Variants in SIAE observed in about 807,000 individuals in gnomAD.
SIAE encodes sialate O-acetylesterase.
A neutral mutation model predicts 52.6 loss-of-function variants in SIAE; 39 were observed. The ratio of observed to expected loss-of-function variants is 0.74; its 90% CI spans 0.57 to 0.97. The LOEUF (loss-of-function observed/expected upper bound fraction) is 0.97, where lower values mean the gene tolerates loss of function less well. Among genes scored for constraint, SIAE ranks in the 50% least tolerant of loss-of-function variants. SIAE has a pLI of 0.00. For missense variants in SIAE, 592 were observed against 662.1 expected (o/e 0.89, Z 1.16); for synonymous variants, 233 against 241.4 (o/e 0.97, Z 0.32).
chr11:124,669,493 G>A lies in SIAE; in HGVS notation c.96C>T (p.Ile32=), dbSNP rs755755030. 5.4e-5 allele frequency: 87 copies of A among 1,613,936 alleles called. No individual in the cohort carries two copies. The highest frequency in any genetic ancestry group is 7.2e-5 in the Non-Finnish European group (85 of 1,180,022). The stretch of plus-strand genomic sequence containing the variant: ...CCTTCTGCAGCACCATATCATTATT[G>A]ATGTATGAAGCAAAGCGAAAACCAA... The part of the protein sequence containing the change: ...AGIGFRFASY[I]NNDMVLQKEP... Residue 32 remains isoleucine (I), a synonymous_variant, in exon 2 of 10, where the codon ATC becomes ATT. Coordinates refer to ENST00000263593, the MANE Select transcript of SIAE (RefSeq NM_170601.5).
intron 3 of SIAE, chr11:124,660,344 T>A: frequency 8.5e-6 from 3 of 351,150 alleles, no homozygotes; most frequent in Non-Finnish European, 1.1e-5. Flanking sequence ...GAGAAGAAAC[T>A]CAGTTTTGGA....
intron 9 of SIAE, 147 bp from the exon 10 acceptor site, chr11:124,637,349 G>A (rs1215145479): frequency 9.3e-7 from 1 of 1,071,058 alleles, no homozygotes; most frequent in East Asian, 2.4e-5. Context: ...ACAAACCTGA[G>A]CCCACTTTGG....
At chr11:124,652,691 C>CA (rs57632780) in intron 4 of SIAE, among the ~76,000 whole-genome samples, 6,990 of 72,226 alleles carry the variant, frequency 0.097, 415 homozygotes, top group African/African-American at 0.18. Flanking sequence ...GAGACTCGGT[C>CA]AAAAAAAAAA....
At position 124,638,749 on chromosome 11, in the gene SIAE, G is replaced by A. The variant is rs1942794281; in HGVS notation, c.1125-12C>T. The A allele has an allele frequency of 3.1e-6, 5 of 1,612,344 alleles. No homozygotes were observed. Among genetic ancestry groups the A allele is most frequent in the Admixed American group, 3.3e-5 (2 of 59,972 alleles). ...CTCGAGGGTGGATGCTACAGGATAAGGAACAAGTAGAGAACTTTGGGTTTA... is the reference window on the plus strand; with the variant it reads ...CTCGAGGGTGGATGCTACAGGATAAAGAACAAGTAGAGAACTTTGGGTTTA... On this transcript the variant is annotated splice_polypyrimidine_tract_variant and intron_variant, in intron 8 of 9. Transcript: ENST00000263593.
At chr11:124,641,675 A>G (rs1298512181) in intron 7 of SIAE, among the ~76,000 whole-genome samples, 2 of 152,088 alleles carry the variant, frequency 1.3e-5, no homozygotes, top group Non-Finnish European at 2.9e-5. Context: ...AAAACAAAAT[A>G]AGGCCGGGCA....
intron 8 of SIAE, 84 bp downstream of exon 8, chr11:124,639,626 T>C: frequency 6.3e-7 from 1 of 1,581,706 alleles, no homozygotes; most frequent in Non-Finnish European, 8.7e-7. Context: ...ATCCTCAGTC[T>C]AATTGCCCCT....
chr11:124,673,851 T>G, upstream of SIAE: 2 of 780,268 alleles, frequency 2.6e-6, no homozygotes, highest in South Asian at 2.1e-5. Flanking sequence ...TACTCGCCCC[T>G]TCTCGGCCGC....
chr11:124,660,008 G>A (rs1300718631), intron 3 of SIAE: 1 of 156,940 alleles, frequency 6.4e-6, no homozygotes, highest in South Asian at 1.9e-4. Flanking sequence ...CAAGAAAACA[G>A]GCCGGGCTCA....
intron 8 of SIAE, among the ~76,000 whole-genome samples, chr11:124,639,034 AAG>A (rs1487630584): frequency 1.3e-5 from 2 of 149,410 alleles, no homozygotes; most frequent in African/African-American, 2.6e-5. Context: ...GAACTAACCT[AAG>A]AGAGCTAACT....
At chr11:124,671,079 G>A (rs1004841347) in intron 1 of SIAE, among the ~76,000 whole-genome samples, 1 of 152,164 alleles carries the variant, frequency 6.6e-6, no homozygotes, top group African/African-American at 2.4e-5. Flanking sequence ...CCATAGGCTA[G>A]GGGAAATACC....
In SIAE at chr11:124,660,706, G is replaced by A. The variant is rs1013975028; in HGVS notation, c.327C>T (p.Thr109=). The A allele has an allele frequency of 8.1e-6, 13 of 1,614,054 alleles. No homozygotes were observed. Among genetic ancestry groups the A allele is most frequent in the Non-Finnish European group, 1.1e-5 (13 of 1,180,040 alleles). The part of the protein sequence containing the change: ...AQQTLEKINF[T]LRVHDVLFGD... ...CAAACAGGACGTCATGAACTCTCAGGGTGAAGTTTATTTTCTCCAAAGTCT... is the reference window on the plus strand; with the variant it reads ...CAAACAGGACGTCATGAACTCTCAGAGTGAAGTTTATTTTCTCCAAAGTCT... The change falls in exon 3 of 10, where the codon ACC becomes ACT. Residue 109 remains threonine, a synonymous_variant. Transcript: ENST00000263593.
chr11:124,673,844 T>C, upstream of SIAE: 1 of 786,290 alleles, frequency 1.3e-6, no homozygotes. Context: ...TGGGCTGTAC[T>C]CGCCCCTTCT....
intron 2 of SIAE, among the ~76,000 whole-genome samples, chr11:124,667,648 T>C (rs1858908230): frequency 6.6e-6 from 1 of 152,118 alleles, no homozygotes; most frequent in Admixed American, 6.6e-5. Context: ...CACCAATTTG[T>C]ACCTGAACTC....
At chr11:124,660,519 A>C (rs577154017) in intron 3 of SIAE, 109 bp downstream of exon 3, 1 of 1,042,200 alleles carries the variant, frequency 9.6e-7, no homozygotes, top group Admixed American at 1.7e-5. Context: ...GGCTCATGGT[A>C]CTCACTAAAT....
intron 3 of SIAE, among the ~76,000 whole-genome samples, chr11:124,655,191 G>T (rs79869346): frequency 0.21 from 17,955 of 86,072 alleles, 2,631 homozygotes; most frequent in African/African-American, 0.49. Flanking sequence ...TTTTTTTTTT[G>T]TGTGTGAGAC....
intron 3 of SIAE, among the ~76,000 whole-genome samples, chr11:124,655,534 G>A (rs536844736): frequency 1.3e-5 from 2 of 152,260 alleles, no homozygotes; most frequent in South Asian, 2.1e-4. Context: ...AGGCCGTGGG[G>A]AGGTAGATTT....
At chr11:124,655,826 T>A (rs373476942) in intron 3 of SIAE, among the ~76,000 whole-genome samples, 1 of 152,212 alleles carries the variant, frequency 6.6e-6, no homozygotes, top group Non-Finnish European at 1.5e-5. Flanking sequence ...ATATTACTTA[T>A]ACCTAATGCA....
chr11:124,672,220 C>A (rs2134397391), intron 1 of SIAE, among the ~76,000 whole-genome samples: 1 of 152,220 alleles, frequency 6.6e-6, no homozygotes, highest in Non-Finnish European at 1.5e-5. Context: ...TTTTTTAGGT[C>A]TTCAGTTTTT....
Position 124,637,328 on chromosome 11 carries a change from CA to C in SIAE, c.1321-127del. On this transcript the variant is annotated intron_variant, in intron 9 of 9. Coordinates refer to ENST00000263593, the MANE Select transcript of SIAE (RefSeq NM_170601.5). ...ACTCTTCACCAAGGACCTACTCCTA[CA>C]GTAAGCAGAACAAACCTGAGCCCAC... 5 of 1,368,716 alleles carry C rather than the reference CA, an allele frequency of 3.7e-6. No homozygotes were observed. The African/African-American group carries it at 7.1e-5, about 20-fold the overall frequency. 84.8% of individuals were successfully genotyped at this position (1,368,716 alleles called of 1,614,324 possible). A position where few individuals can be genotyped will look rare whatever the true frequency, so the allele number is the denominator to read the frequency against.
Sources: gnomAD v4.1 joint callset for allele counts (sites outside exome capture counted in the v4.1 genomes callset) on GRCh38, gnomAD v4.1.1 for gene constraint, MANE v1.5 for transcripts, NCBI Gene and HGNC (gene_info 2026-07-23, HGNC 2026-07-21) for gene names.